The following DNAH17 variants were observed in gnomAD, a reference collection of about 807,000 sequenced individuals.
The protein encoded by DNAH17 is axonemal beta dynein heavy chain 17.
A neutral mutation model predicts 485.6 loss-of-function variants in DNAH17; 376 were observed. The observed-to-expected ratio is 0.77, with a 90% CI of 0.71 to 0.84. The LOEUF is 0.84. Among genes scored for constraint, DNAH17 ranks in the 40% least tolerant of loss-of-function variants. DNAH17 has a pLI of 0.00. For synonymous variants in DNAH17, 3,031 were observed against 2,405.9 expected, an observed-to-expected ratio of 1.26 and a Z score of -7.60; for missense variants, 6,370 against 5,839.3, an observed-to-expected ratio of 1.09 and a Z score of -2.96.
intron 17 of DNAH17, among the ~76,000 whole-genome samples, chr17:78,542,814 G>A (rs1469117963): frequency 1.3e-5 from 2 of 152,190 alleles, no homozygotes; most frequent in Non-Finnish European, 2.9e-5. Context: ...TACACCCTGT[G>A]CACGTTCAAA....
At position 78,507,443 on chromosome 17, in the gene DNAH17, C is replaced by G; in HGVS notation, c.4584+15G>C. ...TCATTTCTGAAGTGCGTGGGAACCACCGGGCTGTGCTCACCTTGAATTCCT... is the reference window on the plus strand; with the variant it reads ...TCATTTCTGAAGTGCGTGGGAACCAGCGGGCTGTGCTCACCTTGAATTCCT... On this transcript the variant is annotated intron_variant, in intron 28 of 80. Coordinates refer to ENST00000389840, the MANE Select transcript of DNAH17 (RefSeq NM_173628.4). 1 of 1,613,138 alleles carries G rather than the reference C, an allele frequency of 6.2e-7. No individual in the cohort carries two copies. The highest frequency in any genetic ancestry group is 8.5e-7 in the Non-Finnish European group (1 of 1,179,130).
In DNAH17 at chr17:78,566,847, G is replaced by C. The variant is rs1295781147; in HGVS notation, c.1453-117C>G. ...GGACTGAGGCGCAGCTGAATGTGCT[G>C]TTGCGGGGACCGCTCTACACAGTTT... On this transcript the variant is annotated intron_variant, in intron 10 of 80. Transcript: ENST00000389840. 3 of 1,304,298 alleles carry C rather than the reference G, an allele frequency of 2.3e-6. No homozygotes were observed. The African/African-American group carries it at 4.4e-5, about 19-fold the overall frequency. The allele number at this position is 1,304,298 out of a possible 1,614,324, so 80.8% of individuals were successfully genotyped here.
chr17:78,525,405 C>A (rs2091041295), intron 24 of DNAH17, among the ~76,000 whole-genome samples: 1 of 152,234 alleles, frequency 6.6e-6, no homozygotes, highest in Non-Finnish European at 1.5e-5. Flanking sequence ...GACTGACTCC[C>A]AATGGGCATG....
intron 11 of DNAH17, among the ~76,000 whole-genome samples, chr17:78,562,599 G>A (rs2143661709): frequency 6.6e-6 from 1 of 152,236 alleles, no homozygotes; most frequent in African/African-American, 2.4e-5. Context: ...CCCAGCCTGG[G>A]CAACAGAGCA....
rs201682545 is a variant in DNAH17 at position 78,424,148 on chromosome 17, G to A, written c.13147C>T (p.Arg4383Cys). Residue 4383 changes from arginine to cysteine, a missense_variant, in exon 81 of 81, where the codon CGC becomes TGC. Arg to Cys is a radical substitution (Grantham distance 180). Transcript: ENST00000389840. ...ATGACTCCAGTCTGGGTGTCCCAGC[G>A]AGCCCCTGCAGGGACAGTATGGCTG... is the stretch of plus-strand genomic sequence containing the variant. The part of the protein sequence containing the change: ...YVYGLFMEGA[R>C]WDTQTGVIAE... The A allele has an allele frequency of 1.4e-4, 225 of 1,610,516 alleles. No individual in the cohort carries two copies. The highest frequency in any genetic ancestry group is 1.3e-3 in the Middle Eastern group (8 of 6,054).
Position 78,552,818 on chromosome 17 carries a change from G to A in DNAH17, c.2179-13C>T. ...CTATAGTCTTTATCTGAAAAACAGAGGTGACAGGTTTTGTTCCGAGTCCAA... is the reference window on the plus strand; with the variant it reads ...CTATAGTCTTTATCTGAAAAACAGAAGTGACAGGTTTTGTTCCGAGTCCAA... On this transcript the variant is annotated splice_polypyrimidine_tract_variant and intron_variant, in intron 14 of 80. Coordinates refer to ENST00000389840, the MANE Select transcript of DNAH17 (RefSeq NM_173628.4). The A allele has an allele frequency of 6.3e-7, 1 of 1,583,776 alleles. No homozygotes were observed. Among genetic ancestry groups the A allele is most frequent in the Non-Finnish European group, 8.7e-7 (1 of 1,152,630 alleles).
chr17:78,571,702 A>T lies in DNAH17; in HGVS notation c.620T>A (p.Val207Glu). The T allele has an allele frequency of 6.2e-7, 1 of 1,613,932 alleles. No homozygotes were observed. The highest frequency in any genetic ancestry group is 8.5e-7 in the Non-Finnish European group (1 of 1,179,846). ...IIDWSHQIRD[V>E]LSKDSAQALL... ...CGCCTGGGCTGAGTCTTTGCTCAGCACATCCCGGATCTGGTGGGACCAGTC... is the reference window on the plus strand; with the variant it reads ...CGCCTGGGCTGAGTCTTTGCTCAGCTCATCCCGGATCTGGTGGGACCAGTC... Residue 207 changes from valine to glutamate, a missense_variant, in exon 4 of 81, where the codon GTG (valine) becomes GAG (glutamate). Physicochemically the swap from Val to Glu is moderately radical, Grantham distance 121. Coordinates refer to ENST00000389840, the MANE Select transcript of DNAH17 (RefSeq NM_173628.4).
At chr17:78,574,589 A>G (rs2092406978) in intron 2 of DNAH17, 124 bp downstream of exon 2, 2 of 832,894 alleles carry the variant, frequency 2.4e-6, no homozygotes, top group Admixed American at 2.9e-5. Context: ...CTGCATTTCC[A>G]ATCCCTCCCC....
chr17:78,541,952 G>A (rs574760977), intron 17 of DNAH17, among the ~76,000 whole-genome samples: 109 of 152,174 alleles, frequency 7.2e-4, no homozygotes, highest in Middle Eastern at 6.8e-3. Context: ...AACAGACTCT[G>A]GTTCAGTCAA....
intron 54 of DNAH17, 89 bp from the exon 55 acceptor site, chr17:78,468,972 T>G: frequency 6.8e-7 from 1 of 1,474,462 alleles, no homozygotes; most frequent in Non-Finnish European, 9.0e-7. Context: ...CACAGGGCCA[T>G]TTTTTCTTTG....
chr17:78,495,671 C>T (rs2090044432), intron 38 of DNAH17, among the ~76,000 whole-genome samples: 1 of 152,144 alleles, frequency 6.6e-6, no homozygotes, highest in Non-Finnish European at 1.5e-5. Context: ...CTCCTGACCT[C>T]AGGTGATCCA....
intron 71 of DNAH17, among the ~76,000 whole-genome samples, chr17:78,441,911 C>CCT (rs1055543752): frequency 6.6e-6 from 1 of 152,018 alleles, no homozygotes; most frequent in Non-Finnish European, 1.5e-5. Flanking sequence ...ATGACAAAAC[C>CCT]CTCTCTACTA....
At position 78,452,566 on chromosome 17, in the gene DNAH17, C is replaced by T. The variant is rs567484459; in HGVS notation, c.10529+777G>A. 2.8e-4 allele frequency among the ~76,000 whole-genome samples: 43 copies of T among 152,220 alleles called. 1 individual carries two copies. In the South Asian group the frequency reaches 5.8e-3, roughly 21 times the overall value. On this transcript the variant is annotated intron_variant, in intron 65 of 80. Coordinates refer to ENST00000389840, the MANE Select transcript of DNAH17 (RefSeq NM_173628.4). ...CATCCTGGCCAACATGGGGAAACCC[C>T]GTCTCTACTAAAAATACAAAAATTA...
At chr17:78,558,082 G>T in intron 14 of DNAH17, 26 bp downstream of exon 14, 1 of 1,590,858 alleles carries the variant, frequency 6.3e-7, no homozygotes, top group South Asian at 1.1e-5. Context: ...AGCTGCATCA[G>T]GAATAGTACC....
intron 26 of DNAH17, among the ~76,000 whole-genome samples, chr17:78,512,099 G>A (rs2090650289): frequency 6.6e-6 from 1 of 152,330 alleles, no homozygotes; most frequent in Non-Finnish European, 1.5e-5. Flanking sequence ...TCCTAGGTGG[G>A]CACCCTCCTG....
chr17:78,558,384 G>A (rs187159962), intron 13 of DNAH17, 130 bp from the exon 14 acceptor site: 6 of 1,173,902 alleles, frequency 5.1e-6, no homozygotes, highest in South Asian at 3.2e-5. Flanking sequence ...TTGGTGGGAG[G>A]CAGTATTTGT....
At chr17:78,546,296 GTCAA>G (rs1455051786) in intron 16 of DNAH17, among the ~76,000 whole-genome samples, 6 of 152,154 alleles carry the variant, frequency 3.9e-5, no homozygotes, top group Non-Finnish European at 7.4e-5. Context: ...TCACCTACTT[GTCAA>G]TCATTTTATC....
intron 71 of DNAH17, among the ~76,000 whole-genome samples, chr17:78,441,706 T>G (rs574988283): frequency 6.6e-6 from 1 of 152,112 alleles, no homozygotes; most frequent in Non-Finnish European, 1.5e-5. Flanking sequence ...GTTCTGGCGG[T>G]CTTTGGATCA....
At chr17:78,438,429 A>AGGAGGAGGAG (rs2086928533) in intron 73 of DNAH17, among the ~76,000 whole-genome samples, 2 of 4,972 alleles carry the variant, frequency 4.0e-4, no homozygotes, top group Non-Finnish European at 3.8e-4. Flanking sequence ...GAGGAGAAGG[A>AGGAGGAGGAG]GGAGGAGGAG....
Sources: allele counts gnomAD v4.1 joint callset (sites outside exome capture counted in the v4.1 genomes callset), GRCh38; gene constraint gnomAD v4.1.1; transcripts MANE v1.5; gene names NCBI Gene and HGNC (gene_info 2026-07-23, HGNC 2026-07-21).